SHMT1: variants seen among roughly 807,000 people sequenced by gnomAD.
SHMT1 encodes the protein serine hydroxymethyltransferase, cytosolic.
In SHMT1, 45 loss-of-function variants were observed where a neutral mutation model predicts 49.0. That is an observed-to-expected ratio of 0.92 (90% confidence interval 0.72 to 1.18). The LOEUF is 1.18. SHMT1 is among the 50% of genes most tolerant of loss of function. The pLI is 0.00. For missense variants in SHMT1, 541 were observed against 612.4 expected (o/e 0.88, Z 1.23); for synonymous variants, 232 against 246.6 (o/e 0.94, Z 0.55).
chr17:18,335,806 T>C lies in SHMT1; in HGVS notation c.815-131A>G, dbSNP rs537536101. 8.4e-5 allele frequency: 65 copies of C among 774,842 alleles called. 1 individual carries two copies. The highest frequency in any genetic ancestry group is 6.6e-4 in the African/African-American group (39 of 58,710). 48.0% of individuals were successfully genotyped at this position (774,842 alleles called of 1,614,324 possible). A position where few individuals can be genotyped will look rare whatever the true frequency, so the allele number is the denominator to read the frequency against. On this transcript the variant is annotated intron_variant, in intron 7 of 11. Coordinates refer to ENST00000316694, the MANE Select transcript of SHMT1 (RefSeq NM_004169.5). ...CTTTATCCTGGCATGGAGAACTGATTTGTAACACAGCGGAGCAGAGGGGAC... is the reference window on the plus strand; with the variant it reads ...CTTTATCCTGGCATGGAGAACTGATCTGTAACACAGCGGAGCAGAGGGGAC...
chr17:18,340,613 A>C lies in SHMT1; in HGVS notation c.601+119T>G, dbSNP rs1373693319. The C allele has an allele frequency of 1.1e-6, 1 of 878,132 alleles. No individual in the cohort carries two copies. Among genetic ancestry groups the C allele is most frequent in the South Asian group, 1.4e-5 (1 of 70,508 alleles). 54.4% of individuals were successfully genotyped at this position (878,132 alleles called of 1,614,324 possible). ...TAATATATGTAGACCCCAGAAACTC[A>C]GTTATCCAGGGCAGAAACTAGCAGT... is the stretch of plus-strand genomic sequence containing the variant. On this transcript the variant is annotated intron_variant, in intron 6 of 11. Coordinates refer to ENST00000316694, the MANE Select transcript of SHMT1 (RefSeq NM_004169.5). This position sits in a 1 kb window ranked among gnomAD's most constrained non-coding sequence, Gnocchi z 4.5.
intron 5 of SHMT1, chr17:18,341,092 A>ATT: frequency 2.0e-6 from 1 of 495,232 alleles, no homozygotes; most frequent in Non-Finnish European, 3.7e-6. Flanking sequence ...AGAATGAAAC[A>ATT]AATGTGACGG....
At position 18,347,664 on chromosome 17, in the gene SHMT1, G is replaced by A. The variant is rs561645553; in HGVS notation, c.359-8C>T. The A allele has an allele frequency of 9.9e-6, 16 of 1,614,044 alleles. No homozygotes were observed. Among genetic ancestry groups the A allele is most frequent in the African/African-American group, 4.0e-5 (3 of 75,036 alleles). On this transcript the variant is annotated splice_region_variant and splice_polypyrimidine_tract_variant and intron_variant, in intron 4 of 11. Coordinates refer to ENST00000316694, the MANE Select transcript of SHMT1 (RefSeq NM_004169.5). ...CAAAGTTTGCAGGGGAGCCTGAAAC[G>A]AGTGGACCAGAGGAGACATGATTAT...
intron 1 of SHMT1, chr17:18,363,167 T>C (rs916292769): frequency 6.6e-6 from 1 of 151,924 alleles, no homozygotes; most frequent in African/African-American, 2.4e-5. Context: ...ATACCGAATG[T>C]GCCTGGAACT....
intron 10 of SHMT1, among the ~76,000 whole-genome samples, chr17:18,330,067 C>G (rs1983025482): frequency 6.6e-6 from 1 of 151,964 alleles, no homozygotes; most frequent in Admixed American, 6.6e-5. Flanking sequence ...TCTCAATCTC[C>G]TGACCTCGTG....
rs778505468 is a variant in SHMT1 at position 18,335,596 on chromosome 17, AG to A, written c.893del (p.Pro298LeufsTer19). On this transcript the variant is annotated frameshift_variant, in exon 8 of 12. Coordinates refer to ENST00000316694, the MANE Select transcript of SHMT1 (RefSeq NM_004169.5). LOFTEE classifies it high-confidence loss of function. ...LESLINSAVF[P>X]GLQGGPHNHA... Reference sequence around the variant, plus strand: ...GGTTGTGGGGACCTCCCTGCAGGCCAGGGAACACAGCAGAATTGATAAGAGA... The same window carrying A: ...GGTTGTGGGGACCTCCCTGCAGGCCAGGAACACAGCAGAATTGATAAGAGA... The A allele has an allele frequency of 6.2e-7, 1 of 1,613,842 alleles. No individual in the cohort carries two copies. The highest frequency in any genetic ancestry group is 1.3e-5 in the African/African-American group (1 of 74,930).
chr17:18,354,489 G>A (rs145850149), intron 2 of SHMT1, among the ~76,000 whole-genome samples: 5,886 of 152,060 alleles, frequency 0.039, 400 homozygotes, highest in African/African-American at 0.13. Context: ...TCAGCTACTC[G>A]GGGGGCCGAG....
At chr17:18,330,918 G>C in intron 9 of SHMT1, 2 of 520,096 alleles carry the variant, frequency 3.8e-6, no homozygotes, top group Non-Finnish European at 7.1e-6. Context: ...CTCCCATGGG[G>C]AAGGGACAGC....
chr17:18,329,908 C>G (rs576029767), intron 10 of SHMT1, among the ~76,000 whole-genome samples: 12 of 152,322 alleles, frequency 7.9e-5, no homozygotes, highest in Non-Finnish European at 1.8e-4. Flanking sequence ...GTCGCCTAAG[C>G]TGGAGTGCAG....
intron 3 of SHMT1, among the ~76,000 whole-genome samples, chr17:18,349,880 C>A (rs977397488): frequency 6.6e-6 from 1 of 151,448 alleles, no homozygotes; most frequent in Non-Finnish European, 1.5e-5. Flanking sequence ...ATTAGCCAGG[C>A]GTGGTGGTGC....
chr17:18,342,249 A>G (rs1984599591), intron 5 of SHMT1, among the ~76,000 whole-genome samples: 1 of 152,178 alleles, frequency 6.6e-6, no homozygotes, highest in African/African-American at 2.4e-5. Context: ...CATTTGCAAC[A>G]ACACCGATGA....
intron 10 of SHMT1, among the ~76,000 whole-genome samples, chr17:18,329,796 G>A (rs1157925375): frequency 6.6e-6 from 1 of 152,194 alleles, no homozygotes; most frequent in Non-Finnish European, 1.5e-5. Context: ...GGCAGGGTCA[G>A]GGCCAAGTAC....
intron 3 of SHMT1, among the ~76,000 whole-genome samples, chr17:18,349,112 T>C (rs906580281): frequency 5.9e-5 from 9 of 152,106 alleles, no homozygotes; most frequent in Admixed American, 4.6e-4. Context: ...TCAACTTTTA[T>C]GAGGTCCCTA....
intron 3 of SHMT1, among the ~76,000 whole-genome samples, chr17:18,352,240 G>A (rs558922594): frequency 2.7e-4 from 39 of 146,260 alleles, no homozygotes; most frequent in African/African-American, 9.2e-4. Flanking sequence ...CTGCCCCCTG[G>A]GGTTCACGCC....
rs1348826766 is a variant in SHMT1, at chr17:18,355,965, T to C, written c.17A>G (p.Asn6Ser). ...CAGGTCAGCATCCTTGTGGGCCCCG[T>C]TGACTGGCATCGTCATTGCACTGGT... Reference protein sequence around the residue: MTMPVNGAHKDADLWS... With the variant: MTMPVSGAHKDADLWS... Residue 6 changes from asparagine (N) to serine (S), a missense_variant, in exon 2 of 12, where the codon AAC becomes AGC. By Grantham distance (46) the Asn-to-Ser change is conservative. Transcript: ENST00000316694. The C allele has an allele frequency of 3.1e-6, 5 of 1,613,762 alleles. No homozygotes were observed. The highest frequency in any genetic ancestry group is 1.7e-5 in the Admixed American group (1 of 60,012).
chr17:18,353,810 T>C lies in SHMT1; in HGVS notation c.104A>G (p.Asn35Ser). Residue 35 changes from asparagine to serine, a missense_variant, in exon 3 of 12, where the codon AAC (asparagine) becomes AGC (serine). Coordinates refer to ENST00000316694, the MANE Select transcript of SHMT1 (RefSeq NM_004169.5). The stretch of plus-strand genomic sequence containing the variant: ...CCGGTTACTCTCCTTCTTAATGATG[T>C]TGTAAACCTTATGAGAAGAAAACAG... ...PLKDSDVEVY[N>S]IIKKESNRQR... 1.9e-6 allele frequency: 3 copies of C among 1,614,184 alleles called. No individual in the cohort carries two copies. The highest frequency in any genetic ancestry group is 1.1e-5 in the South Asian group (1 of 91,086).
intron 7 of SHMT1, among the ~76,000 whole-genome samples, chr17:18,335,981 TA>T (rs1263639901): frequency 1.3e-5 from 2 of 152,106 alleles, no homozygotes; most frequent in Non-Finnish European, 2.9e-5. Flanking sequence ...AACAAGGCCT[TA>T]AAAATGAAAG....
At position 18,335,654 on chromosome 17, in the gene SHMT1, T is replaced by G. The variant is rs770809441; in HGVS notation, c.836A>C (p.Lys279Thr). 1 of 1,613,678 alleles carries G rather than the reference T, an allele frequency of 6.2e-7. No homozygotes were observed. The highest frequency in any genetic ancestry group is 1.1e-5 in the South Asian group (1 of 91,044). ...YRKGVKSVDP[K>T]TGKEILYNLE... ...GTTGTACAGAATCTCTTTGCCAGTC[T>G]TGGGATCCACACTTTTCACTCCTGG... Residue 279 changes from lysine (K) to threonine (T), a missense_variant, in exon 8 of 12, where the codon AAG (lysine) becomes ACG (threonine). Lys to Thr is a moderately conservative substitution (Grantham distance 78, BLOSUM62 -1). Coordinates refer to ENST00000316694, the MANE Select transcript of SHMT1 (RefSeq NM_004169.5).
chr17:18,354,262 A>G (rs1363479013), intron 2 of SHMT1, among the ~76,000 whole-genome samples: 3 of 152,256 alleles, frequency 2.0e-5, no homozygotes, highest in African/African-American at 2.4e-5. Context: ...CTACTAAAAA[A>G]TACAAAATTA....
Sources: gnomAD v4.1 joint callset for allele counts (sites outside exome capture counted in the v4.1 genomes callset) on GRCh38, gnomAD v4.1.1 for gene constraint, Gnocchi (gnomAD v3.1) non-coding constraint, MANE v1.5 for transcripts, NCBI Gene and HGNC (gene_info 2026-07-23, HGNC 2026-07-21) for gene names.